The following ARFIP1 variants were observed in gnomAD, a reference collection of about 807,000 sequenced individuals.
ARFIP1 encodes the protein arfaptin-1.
Under a neutral mutation model 42.5 loss-of-function variants are expected in ARFIP1, and 24 were observed. The ratio of observed to expected loss-of-function variants is 0.57; its 90% confidence interval spans 0.41 to 0.80. ARFIP1 has a LOEUF of 0.80. ARFIP1 is among the 30% of genes least tolerant of loss of function. The probability of loss-of-function intolerance (pLI) is 0.00; values close to 1 mark genes in which losing one functional copy is unlikely to be tolerated. For missense variants in ARFIP1, 354 were observed against 434.0 expected (o/e 0.82, Z 1.64); for synonymous variants, 141 against 153.7 (o/e 0.92, Z 0.61).
intron 8 of ARFIP1, among the ~76,000 whole-genome samples, chr4:152,891,571 T>A (rs1736852945): frequency 1.3e-5 from 2 of 152,196 alleles, no homozygotes; most frequent in South Asian, 4.1e-4. Context: ...CCCTGTTTGC[T>A]TTCTTGGTAA....
intron 1 of ARFIP1, among the ~76,000 whole-genome samples, chr4:152,814,157 A>G (rs1487222948): frequency 6.9e-6 from 1 of 144,868 alleles, no homozygotes; most frequent in Non-Finnish European, 1.5e-5. Flanking sequence ...GGACATGATC[A>G]TAGCTCACTG....
At chr4:152,859,957 A>C (rs986085329) in intron 2 of ARFIP1, among the ~76,000 whole-genome samples, 1 of 151,880 alleles carries the variant, frequency 6.6e-6, no homozygotes, top group Non-Finnish European at 1.5e-5. Context: ...AAATACTTAT[A>C]ATTTCATGAC....
intron 8 of ARFIP1, among the ~76,000 whole-genome samples, chr4:152,908,041 G>A (rs1738515506): frequency 1.3e-5 from 2 of 152,150 alleles, no homozygotes; most frequent in South Asian, 4.1e-4. Flanking sequence ...TCTTAATGTG[G>A]AGGGTATAAA....
chr4:152,901,492 C>T (rs905298942), intron 8 of ARFIP1, among the ~76,000 whole-genome samples: 36 of 152,202 alleles, frequency 2.4e-4, no homozygotes, highest in Admixed American at 1.7e-3. Context: ...CAGATGTTGC[C>T]GTAGTGGTTT....
At chr4:152,786,035 A>G (rs960621694) in intron 1 of ARFIP1, among the ~76,000 whole-genome samples, 1 of 152,194 alleles carries the variant, frequency 6.6e-6, no homozygotes, top group Non-Finnish European at 1.5e-5. Context: ...TCTGCTACCC[A>G]TGGTGCCTAG....
In ARFIP1 at chr4:152,874,589, C is replaced by T. The variant is rs76520795; in HGVS notation, c.411+2025C>T. Among the ~76,000 whole-genome samples, 225 of 152,306 alleles carry T rather than the reference C, an allele frequency of 1.5e-3. 3 individuals are homozygous for T. In the East Asian group the frequency reaches 0.038, roughly 26 times the overall value. ...CAAATTTTAGCTAATGTTGGGCATT[C>T]ACTATCATTTGGATAATGCTTCAAA... On this transcript the variant is annotated intron_variant, in intron 5 of 8. Coordinates refer to ENST00000353617, the MANE Select transcript of ARFIP1 (RefSeq NM_001025595.3).
chr4:152,871,811 C>T (rs1168732853), intron 4 of ARFIP1, among the ~76,000 whole-genome samples: 1 of 152,014 alleles, frequency 6.6e-6, no homozygotes, highest in Non-Finnish European at 1.5e-5. Flanking sequence ...ATTTACACTG[C>T]TTCTTTATTC....
chr4:152,804,483 A>G (rs1413212139), intron 1 of ARFIP1, among the ~76,000 whole-genome samples: 1 of 103,426 alleles, frequency 9.7e-6, no homozygotes, highest in Non-Finnish European at 1.9e-5. Flanking sequence ...TATAATATAT[A>G]TTATTTATAT....
intron 2 of ARFIP1, among the ~76,000 whole-genome samples, chr4:152,834,757 G>C (rs1257452364): frequency 1.3e-5 from 2 of 152,180 alleles, no homozygotes; most frequent in African/African-American, 4.8e-5. Context: ...TACCATTCTC[G>C]GGTCTGGAGG....
At chr4:152,784,270 T>G (rs1210918384) in intron 1 of ARFIP1, among the ~76,000 whole-genome samples, 1 of 152,258 alleles carries the variant, frequency 6.6e-6, no homozygotes, top group East Asian at 1.9e-4. Context: ...TTGTTTTCCT[T>G]GATCTTTAGT....
At chr4:152,858,310 A>G (rs1733606599) in intron 2 of ARFIP1, among the ~76,000 whole-genome samples, 1 of 152,164 alleles carries the variant, frequency 6.6e-6, no homozygotes, top group African/African-American at 2.4e-5. Flanking sequence ...AAAATAAAAT[A>G]AGTAAATAAA....
At chr4:152,845,927 G>A (rs1317674654) in intron 2 of ARFIP1, among the ~76,000 whole-genome samples, 1 of 152,134 alleles carries the variant, frequency 6.6e-6, no homozygotes, top group Admixed American at 6.5e-5. Flanking sequence ...CAGTCACAGA[G>A]TCATACAATC....
intron 1 of ARFIP1, among the ~76,000 whole-genome samples, chr4:152,813,368 T>C (rs1729621448): frequency 6.6e-6 from 1 of 152,146 alleles, no homozygotes. Flanking sequence ...TGTAAATTGA[T>C]CAGACTCCTC....
intron 1 of ARFIP1, among the ~76,000 whole-genome samples, chr4:152,819,118 C>T (rs980109959): frequency 3.9e-5 from 6 of 152,116 alleles, no homozygotes; most frequent in Non-Finnish European, 7.4e-5. Flanking sequence ...GAGTACCTCC[C>T]CTGGGTAACA....
chr4:152,867,532 C>G (rs13129718), intron 3 of ARFIP1, among the ~76,000 whole-genome samples: 2 of 151,498 alleles, frequency 1.3e-5, no homozygotes, highest in South Asian at 2.1e-4. Context: ...AGAGGTGAGA[C>G]GGGAGAGGGG....
intron 8 of ARFIP1, among the ~76,000 whole-genome samples, 199 bp from the exon 9 acceptor site, chr4:152,909,865 A>G (rs552229342): frequency 6.6e-6 from 1 of 152,240 alleles, no homozygotes; most frequent in Non-Finnish European, 1.5e-5. Context: ...TATTCTCTTT[A>G]GGGTAATTAA....
At chr4:152,842,979 A>T (rs1424074729) in intron 2 of ARFIP1, among the ~76,000 whole-genome samples, 1 of 151,524 alleles carries the variant, frequency 6.6e-6, no homozygotes, top group Non-Finnish European at 1.5e-5. Flanking sequence ...TTTTGGGGGG[A>T]TGTTGAAGAG....
In ARFIP1 at chr4:152,904,576, G is replaced by A. The variant is rs182169300; in HGVS notation, c.967-5488G>A. Among the ~76,000 whole-genome samples the A allele has an allele frequency of 9.2e-5, 14 of 152,130 alleles. No homozygotes were observed. In the East Asian group the frequency reaches 1.2e-3, roughly 13 times the overall value. On this transcript the variant is annotated intron_variant, in intron 8 of 8. Transcript: ENST00000353617. ...CGGCAACCCCCCGACAGGCCCCAGTGTGTGTTGATCTCCTCCCTGAGTCCA... is the reference window on the plus strand; with the variant it reads ...CGGCAACCCCCCGACAGGCCCCAGTATGTGTTGATCTCCTCCCTGAGTCCA...
intron 2 of ARFIP1, among the ~76,000 whole-genome samples, chr4:152,837,740 C>T (rs1731769121): frequency 6.6e-6 from 1 of 152,166 alleles, no homozygotes; most frequent in South Asian, 2.1e-4. Flanking sequence ...TCTGTTTACT[C>T]TGCTGACTTC....
Sources: allele counts gnomAD v4.1 joint callset (sites outside exome capture counted in the v4.1 genomes callset), GRCh38; gene constraint gnomAD v4.1.1; transcripts MANE v1.5; gene names NCBI Gene and HGNC (gene_info 2026-07-23, HGNC 2026-07-21).